LINGO2: variants seen among roughly 807,000 people sequenced by gnomAD.
LINGO2 encodes leucine rich repeat and Ig domain containing 2, also known as leucine-rich repeat and immunoglobulin-like domain-containing nogo receptor-interacting protein 2.
In LINGO2, 14 loss-of-function variants were observed where a neutral mutation model predicts 30.6. The ratio of observed to expected loss-of-function variants is 0.46; its 90% confidence interval spans 0.30 to 0.72. The LOEUF (loss-of-function observed/expected upper bound fraction) is 0.72, where lower values mean the gene tolerates loss of function less well. LINGO2 is among the 30% of genes least tolerant of loss of function. The pLI, the probability that LINGO2 is intolerant of heterozygous loss-of-function variation, is 0.07. For synonymous variants in LINGO2, 317 were observed against 288.5 expected, an observed-to-expected ratio of 1.10 and a Z score of -1.00; for missense variants, 729 against 751.7, an observed-to-expected ratio of 0.97 and a Z score of 0.35.
chr9:28,569,589 T>C (rs937310126), intron 1 of LINGO2, among the ~76,000 whole-genome samples: 5 of 130,754 alleles, frequency 3.8e-5, no homozygotes, highest in African/African-American at 1.4e-4. Flanking sequence ...GTCAAAATCA[T>C]AGAAACAGAG....
chr9:28,493,288 C>G (rs1319330119), intron 1 of LINGO2, among the ~76,000 whole-genome samples: 1 of 152,116 alleles, frequency 6.6e-6, no homozygotes, highest in African/African-American at 2.4e-5. Flanking sequence ...ACTAAAAACA[C>G]GATCATCTCT....
At chr9:28,042,282 C>A (rs1000588705) in intron 4 of LINGO2, among the ~76,000 whole-genome samples, 10 of 152,156 alleles carry the variant, frequency 6.6e-5, no homozygotes, top group African/African-American at 2.4e-4. Context: ...TAATGTTAAT[C>A]TCCATGACTA....
intron 4 of LINGO2, among the ~76,000 whole-genome samples, chr9:28,133,411 C>A (rs1827430483): frequency 6.6e-6 from 1 of 152,028 alleles, no homozygotes; most frequent in African/African-American, 2.4e-5. Context: ...ATTAGACATT[C>A]ATGTAGAGCT....
At chr9:28,724,384 T>A in the LINGO2 span, among the ~76,000 whole-genome samples, 1 of 152,296 alleles carries the variant, frequency 6.6e-6, no homozygotes, top group East Asian at 1.9e-4. Context: ...TTAGTTCCTG[T>A]CCCAGAGAAG....
chr9:28,418,515 G>C (rs1823059335), intron 2 of LINGO2, among the ~76,000 whole-genome samples: 1 of 152,028 alleles, frequency 6.6e-6, no homozygotes, highest in African/African-American at 2.4e-5. Context: ...CTGATCTCGT[G>C]ATCTGCCCGC....
the LINGO2 span, among the ~76,000 whole-genome samples, chr9:28,725,123 T>A: frequency 6.6e-6 from 1 of 152,056 alleles, no homozygotes; most frequent in African/African-American, 2.4e-5. Context: ...AAACTTTTTA[T>A]ACAGCAACTA....
the LINGO2 span, among the ~76,000 whole-genome samples, chr9:29,062,639 T>A: frequency 7.2e-5 from 11 of 151,964 alleles, no homozygotes. Context: ...AGTAGTCAAA[T>A]CCATAAAGAA....
the LINGO2 span, among the ~76,000 whole-genome samples, chr9:28,903,473 CCATT>C: frequency 2.0e-5 from 3 of 152,198 alleles, no homozygotes; most frequent in East Asian, 1.9e-4. Context: ...ATTCATCCAT[CCATT>C]CATTCATTCA....
At chr9:28,871,296 GAAATT>G in the LINGO2 span, among the ~76,000 whole-genome samples, 1 of 151,236 alleles carries the variant, frequency 6.6e-6, no homozygotes, top group Non-Finnish European at 1.5e-5. Flanking sequence ...AATTGAAAAT[GAAATT>G]AAACAATAGA....
At chr9:28,760,915 CGTGTGTGT>C in the LINGO2 span, among the ~76,000 whole-genome samples, 134 of 141,786 alleles carry the variant, frequency 9.5e-4, 1 homozygote, top group Non-Finnish European at 1.2e-3. Context: ...TATATACGTA[CGTGTGTGT>C]GTGTGTGTGT....
chr9:28,765,355 C>T, the LINGO2 span, among the ~76,000 whole-genome samples: 1 of 152,036 alleles, frequency 6.6e-6, no homozygotes, highest in Admixed American at 6.6e-5. Flanking sequence ...CAAGAATACA[C>T]AGTCAACAAG....
chr9:28,924,687 T>C, the LINGO2 span, among the ~76,000 whole-genome samples: 1 of 152,240 alleles, frequency 6.6e-6, no homozygotes, highest in African/African-American at 2.4e-5. Flanking sequence ...CTTCCTTTGA[T>C]CAAGCTTATA....
rs1379971408 is a variant in LINGO2 at position 28,349,794 on chromosome 9, G to T, written c.-246+23042C>A. Among the ~76,000 whole-genome samples, 17 of 151,688 alleles carry T rather than the reference G, an allele frequency of 1.1e-4. No homozygotes were observed. In the South Asian group the frequency reaches 2.5e-3, roughly 22 times the overall value. ...AAGGGAAGCCCATCAGACTAACAGC[G>T]GATCTCTCGGCAGAAACCCTACAAG... is the stretch of plus-strand genomic sequence containing the variant. On this transcript the variant is annotated intron_variant, in intron 3 of 5. Coordinates refer to ENST00000379992, the Ensembl canonical transcript of LINGO2.
chr9:27,961,123 T>G (rs1157829998), intron 5 of LINGO2, among the ~76,000 whole-genome samples: 1 of 152,188 alleles, frequency 6.6e-6, no homozygotes, highest in African/African-American at 2.4e-5. Context: ...ATTCAATACT[T>G]TATTACAAAA....
At chr9:28,783,427 A>G in the LINGO2 span, among the ~76,000 whole-genome samples, 1 of 152,056 alleles carries the variant, frequency 6.6e-6, no homozygotes, top group Non-Finnish European at 1.5e-5. Flanking sequence ...TGTATTTTTT[A>G]ATACTTAATA....
intron 1 of LINGO2, among the ~76,000 whole-genome samples, chr9:28,604,743 G>T (rs973332255): frequency 2.0e-5 from 3 of 151,696 alleles, no homozygotes; most frequent in Admixed American, 6.6e-5. Flanking sequence ...ATCTAGTTTG[G>T]CAAGTATGTA....
chr9:29,074,930 C>A, the LINGO2 span, among the ~76,000 whole-genome samples: 1 of 151,948 alleles, frequency 6.6e-6, no homozygotes, highest in Non-Finnish European at 1.5e-5. Flanking sequence ...CCCGCCTCGG[C>A]CTCCCAAAGT....
intron 4 of LINGO2, among the ~76,000 whole-genome samples, chr9:28,028,968 G>T (rs1371185851): frequency 3.9e-5 from 6 of 152,098 alleles, no homozygotes; most frequent in Admixed American, 1.3e-4. Context: ...ATCAAACACT[G>T]CACAGACAAC....
At position 27,950,364 on chromosome 9, in the gene LINGO2, T is replaced by C. The variant is rs376791650; in HGVS notation, c.308A>G (p.Asn103Ser). Residue 103 changes from asparagine to serine, a missense_variant, in exon 6 of 6, where the codon AAT becomes AGT. Transcript: ENST00000379992. ...GCGGAGGGAACGCAGGTTAAAGAGATTGTTGAATGCTCCTGGTTCCACATT... is the reference window on the plus strand; with the variant it reads ...GCGGAGGGAACGCAGGTTAAAGAGACTGTTGAATGCTCCTGGTTCCACATT... 6.6e-5 allele frequency: 106 copies of C among 1,614,042 alleles called. No individual in the cohort carries two copies. Among genetic ancestry groups the C allele is most frequent in the Non-Finnish European group, 8.3e-5 (98 of 1,180,008 alleles).
Sources: allele counts gnomAD v4.1 joint callset (sites outside exome capture counted in the v4.1 genomes callset), GRCh38; gene constraint gnomAD v4.1.1; transcripts MANE v1.5; gene names NCBI Gene and HGNC (gene_info 2026-07-23, HGNC 2026-07-21).